AKT3: variants seen among roughly 807,000 people sequenced by gnomAD.
AKT3 encodes the protein RAC-gamma serine/threonine-protein kinase.
A neutral mutation model predicts 65.3 loss-of-function variants in AKT3; 15 were observed. The observed-to-expected ratio is 0.23, with a 90% CI of 0.15 to 0.35. The LOEUF is 0.35. AKT3 is among the 10% of genes least tolerant of loss of function. The pLI is 1.00. For synonymous variants in AKT3, 206 were observed against 183.8 expected, an observed-to-expected ratio of 1.12 and a Z score of -0.98; for missense variants, 243 against 576.5, an observed-to-expected ratio of 0.42 and a Z score of 5.92.
At chr1:243,780,189 T>C (rs1044543463) in intron 2 of AKT3, among the ~76,000 whole-genome samples, 8 of 152,018 alleles carry the variant, frequency 5.3e-5, no homozygotes, top group Non-Finnish European at 4.4e-5. Context: ...AACTTTATAA[T>C]GAAGAAGAAA....
chr1:243,635,653 T>C (rs746761390), intron 6 of AKT3, among the ~76,000 whole-genome samples: 1 of 151,982 alleles, frequency 6.6e-6, no homozygotes, highest in Non-Finnish European at 1.5e-5. Context: ...AATAGGTTAT[T>C]TATATAGTCC....
At chr1:243,567,355 T>A (rs1483483901) in intron 9 of AKT3, among the ~76,000 whole-genome samples, 1 of 151,988 alleles carries the variant, frequency 6.6e-6, no homozygotes, top group Non-Finnish European at 1.5e-5. Flanking sequence ...TTGCCTAGGC[T>A]GGAGTACAGT....
At chr1:243,507,595 G>C (rs1450055633) in intron 13 of AKT3, among the ~76,000 whole-genome samples, 1 of 152,196 alleles carries the variant, frequency 6.6e-6, no homozygotes. Flanking sequence ...ATGTACACAA[G>C]TTAGTTCCTG....
intron 6 of AKT3, among the ~76,000 whole-genome samples, chr1:243,622,849 A>G (rs1678865915): frequency 6.6e-6 from 1 of 152,232 alleles, no homozygotes; most frequent in Non-Finnish European, 1.5e-5. Context: ...TGATCACGTT[A>G]AGAGATTTCA....
At chr1:243,655,948 T>C (rs1382900941) in intron 4 of AKT3, among the ~76,000 whole-genome samples, 2 of 152,208 alleles carry the variant, frequency 1.3e-5, no homozygotes, top group African/African-American at 2.4e-5. Context: ...CTTAGCCTTA[T>C]CAGCTCTCTG....
intron 2 of AKT3, among the ~76,000 whole-genome samples, chr1:243,838,032 C>G (rs1417894966): frequency 6.6e-6 from 1 of 151,348 alleles, no homozygotes; most frequent in Non-Finnish European, 1.5e-5. Context: ...CTTCAACTTA[C>G]AAAATCAATA....
At chr1:243,604,662 G>T (rs1390164734) in intron 8 of AKT3, among the ~76,000 whole-genome samples, 2 of 152,032 alleles carry the variant, frequency 1.3e-5, no homozygotes, top group Non-Finnish European at 2.9e-5. Flanking sequence ...TGCTCCTCAG[G>T]TTCATTAAAG....
chr1:243,622,307 G>A (rs1207772234), intron 6 of AKT3, among the ~76,000 whole-genome samples: 1 of 152,174 alleles, frequency 6.6e-6, no homozygotes, highest in African/African-American at 2.4e-5. Flanking sequence ...ACCTTTCAGT[G>A]AGGCCTTCCA....
chr1:243,652,018 A>G (rs1681377055), intron 4 of AKT3, among the ~76,000 whole-genome samples: 1 of 151,496 alleles, frequency 6.6e-6, no homozygotes, highest in African/African-American at 2.4e-5. Flanking sequence ...AGTGGGGGCC[A>G]ATACTCAACA....
chr1:243,803,643 TGTACACACAC>T (rs1692515633), intron 2 of AKT3, among the ~76,000 whole-genome samples: 1 of 108,814 alleles, frequency 9.2e-6, no homozygotes, highest in African/African-American at 3.5e-5. Context: ...AAGACGTACA[TGTACACACAC>T]ACACACACAC....
intron 2 of AKT3, among the ~76,000 whole-genome samples, chr1:243,719,789 C>T (rs543342348): frequency 5.9e-5 from 9 of 152,190 alleles, no homozygotes; most frequent in African/African-American, 1.4e-4. Context: ...AGGAGGCATG[C>T]GTTAATTCTG....
chr1:243,658,724 T>TC (rs1293837719), intron 4 of AKT3, among the ~76,000 whole-genome samples: 1 of 152,010 alleles, frequency 6.6e-6, no homozygotes, highest in African/African-American at 2.4e-5. Context: ...AATCTAAATA[T>TC]CCATCAGCAG....
chr1:243,730,285 C>G (rs1006088199), intron 2 of AKT3, among the ~76,000 whole-genome samples: 1 of 152,158 alleles, frequency 6.6e-6, no homozygotes. Context: ...AGGAGCTGCC[C>G]GCTTTGGGTC....
intron 4 of AKT3, among the ~76,000 whole-genome samples, chr1:243,653,628 A>G (rs1681543938): frequency 6.6e-6 from 1 of 152,168 alleles, no homozygotes. Flanking sequence ...GGTGGTTGAC[A>G]ATGTTATTCT....
chr1:243,674,486 TC>T (rs1683368061), intron 3 of AKT3, among the ~76,000 whole-genome samples: 1 of 152,208 alleles, frequency 6.6e-6, no homozygotes, highest in African/African-American at 2.4e-5. Context: ...AATCCTTAGA[TC>T]TAACTTCCTT....
intron 3 of AKT3, among the ~76,000 whole-genome samples, chr1:243,693,736 C>G (rs1026651741): frequency 1.2e-4 from 18 of 152,106 alleles, no homozygotes; most frequent in Non-Finnish European, 2.4e-4. Flanking sequence ...TCATTCTTTC[C>G]TCACATAACT....
intron 8 of AKT3, among the ~76,000 whole-genome samples, chr1:243,608,167 G>A (rs529926707): frequency 6.6e-6 from 1 of 152,206 alleles, no homozygotes; most frequent in East Asian, 1.9e-4. Context: ...TGGGCTATAT[G>A]GTATAGCTTA....
chr1:243,727,554 TAC>T (rs1180678127), intron 2 of AKT3, among the ~76,000 whole-genome samples: 2 of 152,154 alleles, frequency 1.3e-5, no homozygotes, highest in East Asian at 3.8e-4. Flanking sequence ...TTGCCAGGAT[TAC>T]AGGTGTCAGC....
chr1:243,620,470 GATT>G (rs1247338929), intron 6 of AKT3, among the ~76,000 whole-genome samples: 1 of 151,634 alleles, frequency 6.6e-6, no homozygotes, highest in African/African-American at 2.4e-5. Context: ...GATTACCAGT[GATT>G]ATTATTTACT....
Sources: gnomAD v4.1 joint callset for allele counts (sites outside exome capture counted in the v4.1 genomes callset) on GRCh38, gnomAD v4.1.1 for gene constraint, MANE v1.5 for transcripts, NCBI Gene and HGNC (gene_info 2026-07-23, HGNC 2026-07-21) for gene names.